RALGAPA2: variants seen among roughly 807,000 people sequenced by gnomAD.
RALGAPA2 encodes the protein ral GTPase-activating protein subunit alpha-2.
RALGAPA2 carries 139 observed loss-of-function variants against 230.4 expected under a neutral mutation model. The ratio of observed to expected loss-of-function variants is 0.60; its 90% confidence interval spans 0.53 to 0.69. The LOEUF is 0.69. Among genes scored for constraint, RALGAPA2 ranks in the 30% least tolerant of loss-of-function variants. RALGAPA2 has a pLI of 0.00. For synonymous variants in RALGAPA2, 847 were observed against 837.8 expected, an observed-to-expected ratio of 1.01 and a Z score of -0.19; for missense variants, 2,163 against 2,276.0, an observed-to-expected ratio of 0.95 and a Z score of 1.01.
intron 4 of RALGAPA2, among the ~76,000 whole-genome samples, chr20:20,647,796 C>T (rs375244909): frequency 1.3e-5 from 2 of 151,738 alleles, no homozygotes; most frequent in Non-Finnish European, 2.9e-5. Flanking sequence ...TAAAAAGATG[C>T]TTAAGATTAT....
chr20:20,561,376 T>G lies in RALGAPA2; in HGVS notation c.3156+10082A>C, dbSNP rs80295450. 9.6e-3 allele frequency among the ~76,000 whole-genome samples: 1,458 copies of G among 152,350 alleles called. 28 individuals are homozygous for G. The highest frequency in any genetic ancestry group is 0.033 in the African/African-American group (1,374 of 41,582). ...CTCTTAGCTACTCAGGCAGTGCTCA[T>G]GCAAGAAGTGGAACCTGAGCCCCCT... is the stretch of plus-strand genomic sequence containing the variant. On this transcript the variant is annotated intron_variant, in intron 23 of 39. Coordinates refer to ENST00000202677, the MANE Select transcript of RALGAPA2 (RefSeq NM_020343.4).
chr20:20,700,668 G>A (rs986162530), intron 1 of RALGAPA2, among the ~76,000 whole-genome samples: 4 of 152,192 alleles, frequency 2.6e-5, no homozygotes, highest in African/African-American at 9.6e-5. Flanking sequence ...TCTTTCCCCC[G>A]AACCCCATCA....
intron 4 of RALGAPA2, among the ~76,000 whole-genome samples, chr20:20,649,374 A>G (rs972815993): frequency 6.6e-6 from 1 of 152,206 alleles, no homozygotes; most frequent in Non-Finnish European, 1.5e-5. Context: ...GGCTATGTTC[A>G]CATCCCAGGC....
At chr20:20,461,833 G>GGAT (rs1226053029) in intron 37 of RALGAPA2, among the ~76,000 whole-genome samples, 1 of 152,156 alleles carries the variant, frequency 6.6e-6, no homozygotes, top group Non-Finnish European at 1.5e-5. Flanking sequence ...CTCAAAGCCG[G>GGAT]GATGCACTGA....
chr20:20,573,712 G>A (rs1315169606), intron 20 of RALGAPA2, among the ~76,000 whole-genome samples: 3 of 152,130 alleles, frequency 2.0e-5, no homozygotes, highest in Admixed American at 6.6e-5. Context: ...TTTGTAGCCT[G>A]TCTGGTTTCT....
At chr20:20,603,626 C>T (rs1053110889) in intron 15 of RALGAPA2, among the ~76,000 whole-genome samples, 1 of 152,196 alleles carries the variant, frequency 6.6e-6, no homozygotes, top group Non-Finnish European at 1.5e-5. Flanking sequence ...GGCCCAGTCA[C>T]ACCTCATTGC....
At chr20:20,583,590 C>T (rs1299561360) in intron 19 of RALGAPA2, among the ~76,000 whole-genome samples, 1 of 152,062 alleles carries the variant, frequency 6.6e-6, no homozygotes, top group Non-Finnish European at 1.5e-5. Flanking sequence ...ATAACTGATC[C>T]ACCACAAATG....
At chr20:20,657,799 A>T (rs969122823) in intron 3 of RALGAPA2, among the ~76,000 whole-genome samples, 1 of 152,194 alleles carries the variant, frequency 6.6e-6, no homozygotes, top group Non-Finnish European at 1.5e-5. Context: ...AACATTTCAT[A>T]TAGGAAATGC....
intron 4 of RALGAPA2, among the ~76,000 whole-genome samples, chr20:20,650,743 G>T (rs772717904): frequency 4.6e-5 from 7 of 152,088 alleles, no homozygotes; most frequent in Admixed American, 4.6e-4. Context: ...TTGATACCTG[G>T]TATTTCCCTA....
chr20:20,616,980 C>T (rs1043398120), intron 12 of RALGAPA2, among the ~76,000 whole-genome samples: 4 of 152,210 alleles, frequency 2.6e-5, no homozygotes, highest in African/African-American at 9.7e-5. Context: ...TCCAGGATAT[C>T]ATATACTATT....
chr20:20,485,055 T>C (rs901995074), intron 36 of RALGAPA2, among the ~76,000 whole-genome samples: 2 of 152,128 alleles, frequency 1.3e-5, no homozygotes, highest in Non-Finnish European at 2.9e-5. Flanking sequence ...ATTTTTTTTT[T>C]TTTTTGCAAT....
chr20:20,411,229 C>T lies in RALGAPA2; in HGVS notation c.5617+798G>A, dbSNP rs182077751. On this transcript the variant is annotated intron_variant, in intron 38 of 39. Coordinates refer to ENST00000202677, the MANE Select transcript of RALGAPA2 (RefSeq NM_020343.4). ...ATCTCAACATGCATTGGCTAAATAT[C>T]CCATTTATTCTCTGAAAGGCAATTA... 4.2e-4 allele frequency among the ~76,000 whole-genome samples: 64 copies of T among 152,180 alleles called. No homozygotes were observed. In the Middle Eastern group the frequency reaches 0.014, roughly 32 times the overall value.
At chr20:20,442,317 T>C (rs1240292231) in intron 37 of RALGAPA2, among the ~76,000 whole-genome samples, 2 of 152,232 alleles carry the variant, frequency 1.3e-5, no homozygotes, top group African/African-American at 2.4e-5. Context: ...AAGAGATACT[T>C]GGTGGGAATG....
chr20:20,546,530 AGT>A (rs995521644), intron 24 of RALGAPA2, among the ~76,000 whole-genome samples, 172 bp downstream of exon 24: 67 of 152,338 alleles, frequency 4.4e-4, no homozygotes, highest in African/African-American at 1.5e-3. Flanking sequence ...TTCCAAAACC[AGT>A]GTGTCATCTT....
chr20:20,427,084 G>C (rs1569389345), intron 37 of RALGAPA2, among the ~76,000 whole-genome samples: 1 of 152,240 alleles, frequency 6.6e-6, no homozygotes, highest in African/African-American at 2.4e-5. Flanking sequence ...TGCCTCTTAT[G>C]ATCAGAATTC....
intron 24 of RALGAPA2, among the ~76,000 whole-genome samples, chr20:20,539,179 C>T (rs979223834): frequency 3.3e-5 from 5 of 152,186 alleles, no homozygotes; most frequent in South Asian, 2.1e-4. Context: ...GTGACTTGTG[C>T]GAGCCATCTG....
At position 20,513,295 on chromosome 20, in the gene RALGAPA2, C is replaced by A. The variant is rs535053989; in HGVS notation, c.4085-11G>T. On this transcript the variant is annotated splice_polypyrimidine_tract_variant and intron_variant, in intron 31 of 39. Coordinates refer to ENST00000202677, the MANE Select transcript of RALGAPA2 (RefSeq NM_020343.4). ...TTCTTCTCTTCTTCTCTGTAAACAG[C>A]GGTAAAGAAACATAAAGAGTCAGTG... The A allele has an allele frequency of 1.4e-6, 2 of 1,406,082 alleles. No individual in the cohort carries two copies. The highest frequency in any genetic ancestry group is 1.5e-5 in the African/African-American group (1 of 67,904). The allele number at this position is 1,406,082 out of a possible 1,614,324, so 87.1% of individuals were successfully genotyped here.
At chr20:20,425,659 G>A (rs546067765) in intron 37 of RALGAPA2, among the ~76,000 whole-genome samples, 8 of 152,304 alleles carry the variant, frequency 5.3e-5, no homozygotes, top group East Asian at 1.9e-4. Context: ...CTTCCTGGCC[G>A]ATTCAGACTG....
At chr20:20,530,650 G>A (rs980295611) in intron 27 of RALGAPA2, among the ~76,000 whole-genome samples, 13 of 152,314 alleles carry the variant, frequency 8.5e-5, no homozygotes, top group African/African-American at 2.4e-4. Context: ...TGTAAGTGCC[G>A]TTGCTATTAT....
Sources: allele counts gnomAD v4.1 joint callset (sites outside exome capture counted in the v4.1 genomes callset), GRCh38; gene constraint gnomAD v4.1.1; transcripts MANE v1.5; gene names NCBI Gene and HGNC (gene_info 2026-07-23, HGNC 2026-07-21).